The following STPG2 variants were observed in gnomAD, a reference collection of about 807,000 sequenced individuals.
The protein encoded by STPG2 is sperm tail PG-rich repeat containing 2.
In STPG2, 56 loss-of-function variants were observed where a neutral mutation model predicts 54.2. The observed-to-expected ratio is 1.03, with a 90% CI of 0.83 to 1.29. The LOEUF (loss-of-function observed/expected upper bound fraction) is 1.29, where lower values mean the gene tolerates loss of function less well. Ranked by LOEUF, STPG2 falls within the 50% of genes most tolerant of loss-of-function variation. The probability of loss-of-function intolerance (pLI) is 0.00; values close to 1 mark genes in which losing one functional copy is unlikely to be tolerated. For synonymous variants in STPG2, 200 were observed against 181.8 expected, an observed-to-expected ratio of 1.10 and a Z score of -0.81; for missense variants, 596 against 544.9, an observed-to-expected ratio of 1.09 and a Z score of -0.93.
chr4:97,790,911 G>A (rs1312259845), intron 9 of STPG2, among the ~76,000 whole-genome samples: 1 of 152,112 alleles, frequency 6.6e-6, no homozygotes, highest in Non-Finnish European at 1.5e-5. Flanking sequence ...TGGAGGTTGA[G>A]GGGGACCATT....
chr4:97,630,402 AAAG>A (rs1721236846), intron 10 of STPG2, among the ~76,000 whole-genome samples: 3 of 151,908 alleles, frequency 2.0e-5, no homozygotes, highest in African/African-American at 7.2e-5. Context: ...ACAATGTAGC[AAAG>A]ATGAAATCAG....
chr4:97,881,405 T>C (rs1730369603), intron 8 of STPG2, among the ~76,000 whole-genome samples: 1 of 152,164 alleles, frequency 6.6e-6, no homozygotes, highest in South Asian at 2.1e-4. Context: ...GTAGTTATTC[T>C]TCCCTTAAAT....
chr4:97,737,258 G>A (rs543848274), intron 9 of STPG2, among the ~76,000 whole-genome samples: 309 of 152,198 alleles, frequency 2.0e-3, no homozygotes, highest in African/African-American at 6.8e-3. Context: ...ACAAAGATGT[G>A]GAAAAAACAG....
intron 8 of STPG2, among the ~76,000 whole-genome samples, chr4:97,843,675 C>T (rs2149124068): frequency 6.6e-6 from 1 of 151,992 alleles, no homozygotes; most frequent in Admixed American, 6.6e-5. Context: ...TTGAGAATCA[C>T]ATAAAGACAG....
At chr4:97,664,660 T>C (rs1030338980) in intron 10 of STPG2, among the ~76,000 whole-genome samples, 6 of 151,024 alleles carry the variant, frequency 4.0e-5, no homozygotes, top group Non-Finnish European at 7.4e-5. Context: ...TTCAATTGTG[T>C]ATGTGTATGT....
At chr4:97,696,595 G>A (rs188934077) in intron 10 of STPG2, among the ~76,000 whole-genome samples, 2 of 152,314 alleles carry the variant, frequency 1.3e-5, no homozygotes, top group East Asian at 1.9e-4. Context: ...AAAACCCACA[G>A]AGTGGGAGAA....
intron 5 of STPG2, among the ~76,000 whole-genome samples, chr4:98,048,125 T>C (rs143634718): frequency 2.7e-3 from 417 of 152,282 alleles, no homozygotes; most frequent in African/African-American, 9.7e-3. Flanking sequence ...TGCACATAAA[T>C]ATCCTGGGGA....
intron 9 of STPG2, among the ~76,000 whole-genome samples, chr4:97,746,842 C>T (rs1266767055): frequency 1.3e-5 from 2 of 151,162 alleles, no homozygotes; most frequent in South Asian, 2.1e-4. Context: ...TAAAATATCC[C>T]TCTGCATCTT....
At chr4:98,113,527 G>A (rs1739420942) in intron 3 of STPG2, among the ~76,000 whole-genome samples, 1 of 151,792 alleles carries the variant, frequency 6.6e-6, no homozygotes, top group African/African-American at 2.4e-5. Flanking sequence ...GGTCTCAGTG[G>A]GCTTGAATTA....
intron 4 of STPG2, among the ~76,000 whole-genome samples, chr4:97,488,803 T>C (rs1730432642): frequency 6.6e-6 from 1 of 151,754 alleles, no homozygotes; most frequent in African/African-American, 2.4e-5. Flanking sequence ...CAGTTGTTCA[T>C]CTATGGTAAC....
At chr4:97,549,048 C>T (rs1160889553) in intron 4 of STPG2, among the ~76,000 whole-genome samples, 1 of 25,574 alleles carries the variant, frequency 3.9e-5, no homozygotes, top group Non-Finnish European at 6.7e-5. Context: ...TATCATTGTA[C>T]TCAGCCTACG....
intron 8 of STPG2, among the ~76,000 whole-genome samples, chr4:97,847,768 T>C (rs1729001400): frequency 6.6e-6 from 1 of 152,190 alleles, no homozygotes; most frequent in African/African-American, 2.4e-5. Context: ...TGTTCTTTCC[T>C]CATTGACTTA....
intron 4 of STPG2, among the ~76,000 whole-genome samples, chr4:97,446,761 C>T (rs1187283264): frequency 6.6e-6 from 1 of 152,162 alleles, no homozygotes; most frequent in Non-Finnish European, 1.5e-5. Context: ...CTTCGCCTTC[C>T]ACCATGATTG....
At chr4:98,117,274 C>T (rs1739546807) in intron 3 of STPG2, among the ~76,000 whole-genome samples, 1 of 151,966 alleles carries the variant, frequency 6.6e-6, no homozygotes, top group African/African-American at 2.4e-5. Flanking sequence ...TCCCTCTGAC[C>T]TCATGATTTC....
chr4:97,863,682 T>G (rs1319638891), intron 8 of STPG2, among the ~76,000 whole-genome samples: 1 of 152,044 alleles, frequency 6.6e-6, no homozygotes, highest in Non-Finnish European at 1.5e-5. Flanking sequence ...TGATAAACAT[T>G]GACACAAAAA....
chr4:98,130,115 C>T (rs141458631), intron 2 of STPG2, among the ~76,000 whole-genome samples: 2,020 of 152,122 alleles, frequency 0.013, 47 homozygotes, highest in African/African-American at 0.046. Flanking sequence ...CCACCTCAGC[C>T]TCCCAAACTG....
rs932976170 is a variant in STPG2 at position 97,542,634 on chromosome 4, C to G, written c.462+170065G>C. Among the ~76,000 whole-genome samples the G allele has an allele frequency of 2.0e-4, 31 of 151,970 alleles. 1 individual carries two copies. The highest frequency in any genetic ancestry group is 7.2e-4 in the African/African-American group (30 of 41,478). On this transcript the variant is annotated intron_variant, in intron 4 of 4. Transcript: ENST00000522676. Reference sequence around the variant, plus strand: ...CCCATTACTGGGTATATATCCAAAGCAATATAAATCATGTTGCTATAAAGA... The same window carrying G: ...CCCATTACTGGGTATATATCCAAAGGAATATAAATCATGTTGCTATAAAGA...
At chr4:97,696,045 C>A (rs1723561618) in intron 10 of STPG2, among the ~76,000 whole-genome samples, 1 of 151,982 alleles carries the variant, frequency 6.6e-6, no homozygotes, top group African/African-American at 2.4e-5. Context: ...AAAAAAAGAG[C>A]CCACATAGCC....
intron 9 of STPG2, among the ~76,000 whole-genome samples, chr4:97,735,630 TAC>T (rs950178412): frequency 6.7e-6 from 1 of 149,102 alleles, no homozygotes; most frequent in Non-Finnish European, 1.5e-5. Context: ...CATATATATA[TAC>T]ACACACATAT....
Sources: gnomAD v4.1 joint callset for allele counts (sites outside exome capture counted in the v4.1 genomes callset) on GRCh38, gnomAD v4.1.1 for gene constraint, MANE v1.5 for transcripts, NCBI Gene and HGNC (gene_info 2026-07-23, HGNC 2026-07-21) for gene names.